The following SNRPE variants were observed in gnomAD, a reference collection of about 807,000 sequenced individuals.
SNRPE encodes small nuclear ribonucleoprotein polypeptide E.
For synonymous variants in SNRPE, 35 were observed against 36.7 expected, an observed-to-expected ratio of 0.95 and a Z score of 0.17; for missense variants, 53 against 111.6, an observed-to-expected ratio of 0.48 and a Z score of 2.36.
intron 3 of SNRPE, among the ~76,000 whole-genome samples, chr1:203,864,674 C>T (rs376397827): frequency 1.3e-5 from 2 of 152,020 alleles, no homozygotes; most frequent in African/African-American, 2.4e-5. Flanking sequence ...CTCCAGAGTT[C>T]GAGACCAGCC....
At chr1:203,867,468 A>C (rs1185399473) in intron 4 of SNRPE, among the ~76,000 whole-genome samples, 1 of 152,162 alleles carries the variant, frequency 6.6e-6, no homozygotes, top group East Asian at 1.9e-4. Flanking sequence ...ACTCACCATC[A>C]TGTAGAATCA....
At chr1:203,864,555 T>C (rs1301962775) in intron 3 of SNRPE, among the ~76,000 whole-genome samples, 4 of 152,084 alleles carry the variant, frequency 2.6e-5, no homozygotes, top group Non-Finnish European at 4.4e-5. Flanking sequence ...CTGGGAACTA[T>C]AGGCATACAC....
chr1:203,864,016 A>G (rs1572403393), intron 3 of SNRPE, among the ~76,000 whole-genome samples: 1 of 152,190 alleles, frequency 6.6e-6, no homozygotes, highest in Non-Finnish European at 1.5e-5. Context: ...GTGCAGTGGC[A>G]CAATCATGGC....
intron 3 of SNRPE, among the ~76,000 whole-genome samples, chr1:203,864,202 C>T (rs1051589533): frequency 2.6e-5 from 4 of 152,150 alleles, no homozygotes; most frequent in African/African-American, 9.7e-5. Flanking sequence ...GATTCTCCCA[C>T]CTCAGCCTCT....
chr1:203,865,796 G>A (rs907412973), intron 4 of SNRPE, among the ~76,000 whole-genome samples: 3 of 152,176 alleles, frequency 2.0e-5, no homozygotes, highest in Non-Finnish European at 4.4e-5. Flanking sequence ...TGATTAATTT[G>A]CTAGAGCAGC....
At chr1:203,865,493 CAAT>C (rs1690068117) in intron 4 of SNRPE, among the ~76,000 whole-genome samples, 1 of 152,144 alleles carries the variant, frequency 6.6e-6, no homozygotes, top group African/African-American at 2.4e-5. Context: ...CCTCAGTTGA[CAAT>C]AATTAACACA....
intron 3 of SNRPE, 56 bp downstream of exon 3, chr1:203,863,781 C>A: frequency 8.5e-7 from 1 of 1,177,698 alleles, no homozygotes; most frequent in Non-Finnish European, 1.3e-6. Context: ...AAAGACTTAA[C>A]AGAAAGTGTC....
In SNRPE at chr1:203,870,430, A is replaced by G. The variant is rs1418752992; in HGVS notation, c.*498A>G. On this transcript the variant is annotated 3_prime_UTR_variant, in exon 5 of 5. Coordinates refer to ENST00000414487, the MANE Select transcript of SNRPE (RefSeq NM_003094.4). Reference sequence around the variant, plus strand: ...TATTGCTCAACACTCTCATTGAGTCACTGTGAGGTCTTTGTGAATTTTATC... The same window carrying G: ...TATTGCTCAACACTCTCATTGAGTCGCTGTGAGGTCTTTGTGAATTTTATC... 6.6e-6 allele frequency: 1 copy of G among 152,342 alleles called. No individual in the cohort carries two copies. The highest frequency in any genetic ancestry group is 1.5e-5 in the Non-Finnish European group (1 of 68,128). 9.4% of individuals were successfully genotyped at this position (152,342 alleles called of 1,614,324 possible). A position where few individuals can be genotyped will look rare whatever the true frequency, so the allele number is the denominator to read the frequency against.
intron 1 of SNRPE, 191 bp downstream of exon 1, chr1:203,861,904 G>C (rs1437469604): frequency 3.2e-6 from 2 of 630,098 alleles, no homozygotes; most frequent in Non-Finnish European, 5.8e-6. Context: ...GGGGACCCCT[G>C]CCGTGGGGAA....
intron 2 of SNRPE, among the ~76,000 whole-genome samples, chr1:203,863,370 T>G (rs1404776026): frequency 6.6e-6 from 1 of 152,054 alleles, no homozygotes; most frequent in Non-Finnish European, 1.5e-5. Context: ...CAGGCTGGAG[T>G]GCAGTGGCGC....
At chr1:203,868,385 A>T (rs915165023) in intron 4 of SNRPE, among the ~76,000 whole-genome samples, 3 of 152,166 alleles carry the variant, frequency 2.0e-5, no homozygotes, top group African/African-American at 7.2e-5. Flanking sequence ...CAGTTAATGA[A>T]TGGTCTTAGG....
rs1341478109 is a variant in SNRPE at position 203,869,979 on chromosome 1, T to G, written c.*47T>G. ...ATTGTTGAGAAGGATACAGTTTGTT[T>G]TTAGATGTCCTTTGTCCAATGTGAA... is the stretch of plus-strand genomic sequence containing the variant. On this transcript the variant is annotated 3_prime_UTR_variant, in exon 5 of 5. Transcript: ENST00000414487. 8.1e-7 allele frequency: 1 copy of G among 1,240,682 alleles called. No individual in the cohort carries two copies. Among genetic ancestry groups the G allele is most frequent in the Non-Finnish European group, 1.2e-6 (1 of 859,590 alleles). 76.9% of individuals were successfully genotyped at this position (1,240,682 alleles called of 1,614,324 possible).
In SNRPE at chr1:203,865,103, G is replaced by C; in HGVS notation, c.207G>C (p.Lys69Asn). The C allele has an allele frequency of 6.2e-7, 1 of 1,612,696 alleles. No homozygotes were observed. Among genetic ancestry groups the C allele is most frequent in the Non-Finnish European group, 8.5e-7 (1 of 1,179,318 alleles). The change falls in exon 4 of 5, where the codon AAG (lysine) becomes AAC (asparagine). Residue 69 changes from lysine (K) to asparagine (N), a missense_variant. Lys to Asn is a moderately conservative substitution (Grantham distance 94). Transcript: ENST00000414487. Reference protein sequence around the residue: ...DDAEEIHSKTKSRKQLGRIML... With the variant: ...DDAEEIHSKTNSRKQLGRIML... ...CAGAAGAGATTCATTCTAAAACAAA[G>C]TCAAGAAAACAACTGGGTAAGGATA...
rs1804443 is a variant in SNRPE at position 203,870,048 on chromosome 1, T to C, written c.*116T>C. The C allele has an allele frequency of 1.6e-5, 10 of 608,770 alleles. No individual in the cohort carries two copies. Among genetic ancestry groups the C allele is most frequent in the Middle Eastern group, 4.4e-4 (1 of 2,266 alleles). 37.7% of individuals were successfully genotyped at this position (608,770 alleles called of 1,614,324 possible). On this transcript the variant is annotated 3_prime_UTR_variant, in exon 5 of 5. Coordinates refer to ENST00000414487, the MANE Select transcript of SNRPE (RefSeq NM_003094.4). ...TGATTACCCTCGTGTTACTACAAGA[T>C]GGCAATAAATACTATGGGATTGTTT...
intron 4 of SNRPE, among the ~76,000 whole-genome samples, chr1:203,865,341 G>C (rs1690065180): frequency 6.6e-6 from 1 of 152,146 alleles, no homozygotes. Context: ...CCAAAGACTA[G>C]TGGTATTAAA....
At chr1:203,863,061 G>C (rs974435629) in intron 2 of SNRPE, among the ~76,000 whole-genome samples, 4 of 151,814 alleles carry the variant, frequency 2.6e-5, no homozygotes, top group African/African-American at 9.7e-5. Flanking sequence ...TATTATTATT[G>C]GTGAATAATT....
At chr1:203,869,289 C>CTTTTTTTTTTTTTTTTTTTTTTTTTTTT (rs564988259) in intron 4 of SNRPE, among the ~76,000 whole-genome samples, 4 of 66,814 alleles carry the variant, frequency 6.0e-5, no homozygotes, top group Admixed American at 2.3e-4. Flanking sequence ...AGGATGGAGT[C>CTTTTTTTTTTTTTTTTTTTTTTTTTTTT]TTTTTTTTTT....
chr1:203,864,142 T>A (rs1690037679), intron 3 of SNRPE, among the ~76,000 whole-genome samples: 1 of 152,020 alleles, frequency 6.6e-6, no homozygotes, highest in Non-Finnish European at 1.5e-5. Flanking sequence ...TTTATAGAGA[T>A]GAGGTCTCAC....
chr1:203,862,277 A>C (rs1196604434), intron 2 of SNRPE, 55 bp downstream of exon 2: 4 of 1,288,660 alleles, frequency 3.1e-6, no homozygotes, highest in East Asian at 4.6e-5. Flanking sequence ...GAACTGATTT[A>C]GTTTTTTGTG....
Sources: gnomAD v4.1 joint callset for allele counts (sites outside exome capture counted in the v4.1 genomes callset) on GRCh38, gnomAD v4.1.1 for gene constraint, MANE v1.5 for transcripts, NCBI Gene and HGNC (gene_info 2026-07-23, HGNC 2026-07-21) for gene names.